THSD4: variants seen among roughly 807,000 people sequenced by gnomAD.
THSD4 encodes thrombospondin type-1 domain-containing protein 4.
Under a neutral mutation model 119.0 loss-of-function variants are expected in THSD4, and 69 were observed. The ratio of observed to expected loss-of-function variants is 0.58; its 90% CI spans 0.48 to 0.71. The LOEUF is 0.71. Among genes scored for constraint, THSD4 ranks in the 30% least tolerant of loss-of-function variants. The pLI, the probability that THSD4 is intolerant of heterozygous loss-of-function variation, is 0.00. For synonymous variants in THSD4, 524 were observed against 540.4 expected (o/e 0.97, Z 0.42); for missense variants, 1,393 against 1,391.1 (o/e 1.00, Z -0.02).
chr15:71,282,966 ATTTT>A (rs573742429), intron 6 of THSD4, among the ~76,000 whole-genome samples: 2 of 131,008 alleles, frequency 1.5e-5, no homozygotes, highest in African/African-American at 5.9e-5. Flanking sequence ...GGCAGGTTAG[ATTTT>A]TTTTTTTTTT....
chr15:71,456,803 C>T (rs1236253080), intron 7 of THSD4, among the ~76,000 whole-genome samples: 1 of 152,196 alleles, frequency 6.6e-6, no homozygotes. Context: ...GAAATTTTCC[C>T]TTCAAAAATC....
chr15:71,293,059 C>A (rs1009332254), intron 6 of THSD4, among the ~76,000 whole-genome samples: 4 of 152,170 alleles, frequency 2.6e-5, no homozygotes, highest in African/African-American at 9.6e-5. Context: ...TGTGTTAACC[C>A]TGCCTTTCTT....
chr15:71,315,663 G>A (rs2045177590), intron 6 of THSD4, among the ~76,000 whole-genome samples: 1 of 152,174 alleles, frequency 6.6e-6, no homozygotes, highest in Non-Finnish European at 1.5e-5. Context: ...GCGGCGGGGA[G>A]GCTTTGTTTG....
intron 3 of THSD4, among the ~76,000 whole-genome samples, chr15:71,211,836 CAGGTTATAAAGCTTCG>C (rs1197918077): frequency 6.6e-6 from 1 of 152,164 alleles, no homozygotes; most frequent in East Asian, 1.9e-4. Flanking sequence ...AGCACGCTGG[CAGGTTATAAAGCTTCG>C]AGGTTCAATT....
intron 7 of THSD4, among the ~76,000 whole-genome samples, chr15:71,653,815 C>T (rs1398558672): frequency 1.3e-5 from 2 of 152,150 alleles, no homozygotes; most frequent in African/African-American, 4.8e-5. Context: ...TCTCTGCCTT[C>T]TGTTTTACAA....
intron 8 of THSD4, among the ~76,000 whole-genome samples, chr15:71,665,854 T>G (rs1053263024): frequency 4.6e-5 from 7 of 152,202 alleles, no homozygotes; most frequent in Admixed American, 3.3e-4. Flanking sequence ...TCTGTTTCAC[T>G]GGTCTATGTG....
intron 6 of THSD4, chr15:71,341,736 T>A (rs766938025): frequency 1.3e-5 from 12 of 926,318 alleles, no homozygotes; most frequent in East Asian, 9.5e-5. Flanking sequence ...CTCAGGCTGC[T>A]TAGGAAAAGA....
chr15:71,439,764 C>A (rs919763264), intron 7 of THSD4, among the ~76,000 whole-genome samples: 1 of 152,100 alleles, frequency 6.6e-6, no homozygotes, highest in South Asian at 2.1e-4. Context: ...AACACAGGAA[C>A]AGAAAACCAG....
chr15:71,489,310 T>C (rs1567005008), intron 7 of THSD4, among the ~76,000 whole-genome samples: 1 of 152,164 alleles, frequency 6.6e-6, no homozygotes, highest in Non-Finnish European at 1.5e-5. Context: ...TGCATTACCA[T>C]TTCTTTGCTC....
intron 6 of THSD4, among the ~76,000 whole-genome samples, chr15:71,374,635 A>G (rs903709561): frequency 6.6e-6 from 1 of 152,172 alleles, no homozygotes; most frequent in Non-Finnish European, 1.5e-5. Flanking sequence ...GCATTGAGGA[A>G]TGAATCTTGA....
chr15:71,248,489 G>A (rs1348715674), intron 5 of THSD4, among the ~76,000 whole-genome samples: 3 of 152,128 alleles, frequency 2.0e-5, no homozygotes, highest in Non-Finnish European at 4.4e-5. Flanking sequence ...ACAAAATTAT[G>A]AGTTTTTAAG....
rs570117221 is a variant in THSD4, at chr15:71,450,555, T to C, written c.1152+38732T>C. ...AGTTTTCTCATCTGCAAAATGGAAA[T>C]AATAATTCTTATAGCATCCAAGGTT... On this transcript the variant is annotated intron_variant, in intron 7 of 17. Transcript: ENST00000261862. Among the ~76,000 whole-genome samples, 125 of 152,282 alleles carry C rather than the reference T, an allele frequency of 8.2e-4. 1 individual carries two copies. Among genetic ancestry groups the C allele is most frequent in the African/African-American group, 2.9e-3 (119 of 41,562 alleles).
chr15:71,587,121 C>CT (rs2049686451), intron 7 of THSD4, among the ~76,000 whole-genome samples: 1 of 147,646 alleles, frequency 6.8e-6, no homozygotes, highest in South Asian at 2.3e-4. Context: ...AGTCAGGAAA[C>CT]AACAGGTGCT....
At chr15:71,323,849 A>G (rs1487176865) in intron 6 of THSD4, among the ~76,000 whole-genome samples, 2 of 152,224 alleles carry the variant, frequency 1.3e-5, no homozygotes, top group Non-Finnish European at 2.9e-5. Context: ...CCCACTATTC[A>G]AAGAATGCTG....
chr15:71,413,671 A>AG (rs2140506030), intron 7 of THSD4, among the ~76,000 whole-genome samples: 1 of 152,342 alleles, frequency 6.6e-6, no homozygotes, highest in South Asian at 2.1e-4. Context: ...GAAAGGAACA[A>AG]GGTGTCACTT....
At chr15:71,750,969 C>T (rs2053437181) in intron 14 of THSD4, among the ~76,000 whole-genome samples, 2 of 152,198 alleles carry the variant, frequency 1.3e-5, no homozygotes, top group Admixed American at 6.5e-5. Context: ...CAGCTCTTGC[C>T]CAAACCCTTT....
intron 3 of THSD4, among the ~76,000 whole-genome samples, chr15:71,195,656 C>A (rs1378230005): frequency 2.0e-5 from 3 of 152,098 alleles, no homozygotes; most frequent in Non-Finnish European, 4.4e-5. Context: ...TACTGAGGAT[C>A]CACTGAAGCC....
At chr15:71,709,691 G>C (rs1280463433) in intron 8 of THSD4, among the ~76,000 whole-genome samples, 1 of 152,194 alleles carries the variant, frequency 6.6e-6, no homozygotes, top group Non-Finnish European at 1.5e-5. Context: ...CCAGGGAAGA[G>C]TAAGAGCACT....
chr15:71,724,278 TATATATATA>T (rs1386331859), intron 8 of THSD4, among the ~76,000 whole-genome samples: 4 of 37,154 alleles, frequency 1.1e-4, no homozygotes, highest in African/African-American at 1.2e-4. Context: ...TATATATATA[TATATATATA>T]TTTTTTTTTT....
Sources: gnomAD v4.1 joint callset for allele counts (sites outside exome capture counted in the v4.1 genomes callset) on GRCh38, gnomAD v4.1.1 for gene constraint, MANE v1.5 for transcripts, NCBI Gene and HGNC (gene_info 2026-07-23, HGNC 2026-07-21) for gene names.